The following CASP8 variants were observed in gnomAD, a reference collection of about 807,000 sequenced individuals.
CASP8 encodes the protein caspase 8.
A neutral mutation model predicts 46.3 loss-of-function variants in CASP8; 24 were observed. The observed-to-expected ratio is 0.52, with a 90% confidence interval of 0.38 to 0.73. CASP8 has a LOEUF of 0.73. CASP8 is among the 30% of genes least tolerant of loss of function. The pLI is 0.00. For missense variants in CASP8, 460 were observed against 559.0 expected, an observed-to-expected ratio of 0.82 and a Z score of 1.79; for synonymous variants, 188 against 200.4, an observed-to-expected ratio of 0.94 and a Z score of 0.52.
chr2:201,276,982 C>T lies in CASP8; in HGVS notation c.802+14C>T, dbSNP rs1006485333. 6.3e-7 allele frequency: 1 copy of T among 1,591,534 alleles called. No individual in the cohort carries two copies. The highest frequency in any genetic ancestry group is 1.3e-5 in the African/African-American group (1 of 74,136). ...ACTTGGATGCAGGTACAGTAGAACCCAAAAGAGAAAAGTAAAATATTTCTT... is the reference window on the plus strand; with the variant it reads ...ACTTGGATGCAGGTACAGTAGAACCTAAAAGAGAAAAGTAAAATATTTCTT... On this transcript the variant is annotated intron_variant, in intron 7 of 8. Transcript: ENST00000673742.
upstream of CASP8, among the ~76,000 whole-genome samples, chr2:201,259,708 A>G (rs1264682584): frequency 1.3e-5 from 2 of 152,150 alleles, no homozygotes; most frequent in Non-Finnish European, 2.9e-5. Flanking sequence ...TATTTTGTTT[A>G]CTGGTATATC....
intron 2 of CASP8, among the ~76,000 whole-genome samples, 160 bp from the exon 3 acceptor site, chr2:201,271,356 C>T (rs1046727366): frequency 1.3e-5 from 2 of 152,230 alleles, no homozygotes; most frequent in Non-Finnish European, 2.9e-5. Context: ...TTCTGTGTCA[C>T]CACACCAGCC....
intron 1 of CASP8, among the ~76,000 whole-genome samples, chr2:201,265,652 C>CTA (rs930944423): frequency 4.6e-5 from 7 of 152,060 alleles, no homozygotes; most frequent in African/African-American, 1.7e-4. Context: ...AGGACAAAGC[C>CTA]TAAACCCCTC....
At chr2:201,239,214 A>T (rs1348718893) in intron 2 of CASP8, among the ~76,000 whole-genome samples, 3 of 152,012 alleles carry the variant, frequency 2.0e-5, no homozygotes, top group Non-Finnish European at 4.4e-5. Flanking sequence ...TCTTTTCCCC[A>T]CCTTTCCCCC....
rs1431001925 is a variant in CASP8 at position 201,272,793 on chromosome 2, A to C, written c.550+17A>C. 6.2e-7 allele frequency: 1 copy of C among 1,614,100 alleles called. No individual in the cohort carries two copies. The highest frequency in any genetic ancestry group is 1.3e-5 in the African/African-American group (1 of 74,936). ...TCAGCAAAGGTAGAAACAACCTGAC[A>C]GCCGGGAATCGGCAAAACCTACTCT... On this transcript the variant is annotated intron_variant, in intron 4 of 8. Transcript: ENST00000673742. The surrounding 1 kb of genome is among the most constrained non-coding windows in gnomAD (Gnocchi z 4.4).
intron 8 of CASP8, 23 bp downstream of exon 8, chr2:201,285,340 TCCTCA>T: frequency 6.2e-7 from 1 of 1,611,802 alleles, no homozygotes; most frequent in Non-Finnish European, 8.5e-7. Flanking sequence ...TACTCAGCCC[TCCTCA>T]CTGTTACACT....
chr2:201,268,909 TTGTGTGTGTGTGTGTGTGTGTGTGTGTG>T (rs58087434), intron 2 of CASP8, among the ~76,000 whole-genome samples: 2 of 131,532 alleles, frequency 1.5e-5, no homozygotes, highest in East Asian at 4.6e-4. Flanking sequence ...GGCCTCATCT[TTGTGTGTGTGTGTGTGTGTGTGTGTGTG>T]TGTGTGTGTG....
intron 7 of CASP8, among the ~76,000 whole-genome samples, chr2:201,282,130 T>A (rs1255662463): frequency 1.7e-5 from 1 of 59,610 alleles, no homozygotes; most frequent in African/African-American, 5.8e-5. Flanking sequence ...TAGGGAGTGG[T>A]GATGACTCTT....
chr2:201,282,147 C>T (rs1949088904), intron 7 of CASP8, among the ~76,000 whole-genome samples: 1 of 56,464 alleles, frequency 1.8e-5, no homozygotes, highest in South Asian at 9.7e-4. Context: ...TCTTAACGAG[C>T]ATGCTGCCTT....
intron 3 of CASP8, 111 bp downstream of exon 3, chr2:201,271,732 T>C (rs1948260500): frequency 4.1e-6 from 3 of 734,156 alleles, no homozygotes; most frequent in Non-Finnish European, 7.5e-6. Flanking sequence ...ATTCTCACTT[T>C]TTAACTAGAA....
At chr2:201,283,159 T>G (rs1949239602) in intron 7 of CASP8, among the ~76,000 whole-genome samples, 2 of 56,010 alleles carry the variant, frequency 3.6e-5, no homozygotes, top group Admixed American at 1.4e-4. Context: ...CACTTCCCAG[T>G]AGGGGCGGCC....
chr2:201,281,945 T>TTTTTTTTTG (rs1949060496), intron 7 of CASP8: 1 of 612,266 alleles, frequency 1.6e-6, no homozygotes, highest in African/African-American at 2.4e-5. Flanking sequence ...TTTTTTTTTT[T>TTTTTTTTTG]TTTTTTTTTT....
chr2:201,280,268 T>C lies in CASP8; in HGVS notation c.802+3300T>C, dbSNP rs1002029296. Among the ~76,000 whole-genome samples the C allele has an allele frequency of 2.0e-5, 3 of 152,104 alleles. No individual in the cohort carries two copies. In the South Asian group the frequency reaches 6.2e-4, roughly 32 times the overall value. ...AAAAATAGAAAATAGGAGTGAAAGA[T>C]AAGAAAATTTGAAGCTAAATCAAGG... On this transcript the variant is annotated intron_variant, in intron 7 of 8. Transcript: ENST00000673742.
chr2:201,274,942 A>G lies in CASP8; in HGVS notation c.649A>G (p.Ser217Gly), dbSNP rs771815245. Residue 217 changes from serine to glycine, a missense_variant, in exon 6 of 9, where the codon AGT (serine) becomes GGT (glycine). Physicochemically the swap from Ser to Gly is moderately conservative, Grantham distance 56. Coordinates refer to ENST00000673742, the MANE Select transcript of CASP8 (RefSeq NM_001372051.1). ...TISDSPREQD[S>G]ESQTLDKVYQ... Reference sequence around the variant, plus strand: ...CTCGGACTCTCCAAGAGAACAGGATAGTGAATCACAGGTAGACGGAAACCT... The same window carrying G: ...CTCGGACTCTCCAAGAGAACAGGATGGTGAATCACAGGTAGACGGAAACCT... The G allele has an allele frequency of 2.5e-6, 4 of 1,609,874 alleles. No individual in the cohort carries two copies. In the South Asian group the frequency reaches 4.4e-5, roughly 18 times the overall value.
At chr2:201,262,942 C>G (rs1947528865) in intron 1 of CASP8, among the ~76,000 whole-genome samples, 1 of 152,178 alleles carries the variant, frequency 6.6e-6, no homozygotes, top group Non-Finnish European at 1.5e-5. Context: ...GACAGTGTAT[C>G]CTGGAACACC....
intron 2 of CASP8, chr2:201,269,568 G>A (rs2125204510): frequency 7.4e-6 from 12 of 1,613,424 alleles, no homozygotes; most frequent in Non-Finnish European, 1.0e-5. Flanking sequence ...GACACAGTCT[G>A]TACCTTTCTG....
intron 2 of CASP8, among the ~76,000 whole-genome samples, chr2:201,269,074 G>T (rs753214311): frequency 1.3e-5 from 2 of 151,706 alleles, no homozygotes; most frequent in Non-Finnish European, 2.9e-5. Context: ...AAGTAGCTGG[G>T]ACTACAGGCA....
chr2:201,286,881 A>G lies in CASP8; in HGVS notation c.*287A>G, dbSNP rs1376841172. On this transcript the variant is annotated 3_prime_UTR_variant, in exon 9 of 9. Transcript: ENST00000673742. ...TGATCCACCCACCTCGGCCTCCCAA[A>G]GTGCTGGGATTACAGGCGTGAGCCA... The G allele has an allele frequency of 1.3e-5, 5 of 379,540 alleles. No individual in the cohort carries two copies. The highest frequency in any genetic ancestry group is 7.6e-5 in the Admixed American group (2 of 26,206). 23.5% of individuals were successfully genotyped at this position (379,540 alleles called of 1,614,324 possible).
chr2:201,239,931 C>G (rs182641676), intron 2 of CASP8, among the ~76,000 whole-genome samples: 1 of 152,336 alleles, frequency 6.6e-6, no homozygotes, highest in East Asian at 1.9e-4. Flanking sequence ...TATCCAATAC[C>G]AGCAAGGCCC....
Sources: gnomAD v4.1 joint callset for allele counts (sites outside exome capture counted in the v4.1 genomes callset) on GRCh38, gnomAD v4.1.1 for gene constraint, Gnocchi (gnomAD v3.1) non-coding constraint, MANE v1.5 for transcripts, NCBI Gene and HGNC (gene_info 2026-07-23, HGNC 2026-07-21) for gene names.